Variants in GRB10 observed in about 807,000 individuals in gnomAD.
GRB10 encodes growth factor receptor bound protein 10, also known as growth factor receptor-bound protein 10.
In GRB10, 20 loss-of-function variants were observed where a neutral mutation model predicts 80.9. That is an observed-to-expected ratio of 0.25 (90% CI 0.17 to 0.36). The LOEUF (loss-of-function observed/expected upper bound fraction) is 0.36, where lower values mean the gene tolerates loss of function less well. Among genes scored for constraint, GRB10 ranks in the 10% least tolerant of loss-of-function variants. GRB10 has a pLI of 1.00. For synonymous variants in GRB10, 291 were observed against 291.5 expected (o/e 1.00, Z 0.02); for missense variants, 548 against 747.7 (o/e 0.73, Z 3.12).
chr7:50,758,626 G>A (rs185011512), intron 2 of GRB10, among the ~76,000 whole-genome samples: 12 of 152,216 alleles, frequency 7.9e-5, no homozygotes, highest in African/African-American at 2.9e-4. Context: ...CAGCCTGTTC[G>A]GCCAGAGAGC....
intron 2 of GRB10, among the ~76,000 whole-genome samples, chr7:50,777,133 C>G (rs1346424982): frequency 1.3e-5 from 2 of 152,038 alleles, no homozygotes; most frequent in African/African-American, 2.4e-5. Flanking sequence ...AGAGGAAGTC[C>G]AAGATCAAGG....
chr7:50,635,962 C>CTTT lies in GRB10; in HGVS notation c.505-8987_505-8985dup, dbSNP rs56411780. On this transcript the variant is annotated intron_variant, in intron 7 of 18. Transcript: ENST00000401949. ...ACAGCTTTTTTTTTTTTTTCCTTTC[C>CTTT]TTTTTTTTTTTTTTTTTTTTTTTTT... Among the ~76,000 whole-genome samples the CTTT allele has an allele frequency of 9.7e-3, 691 of 71,000 alleles. 76 individuals carry two copies. The highest frequency in any genetic ancestry group is 0.044 in the African/African-American group (656 of 15,048). 46.6% of individuals were successfully genotyped at this position (71,000 alleles called of 152,430 possible).
At chr7:50,739,977 C>T (rs1411555293) in intron 3 of GRB10, among the ~76,000 whole-genome samples, 6 of 152,212 alleles carry the variant, frequency 3.9e-5, no homozygotes, top group African/African-American at 1.4e-4. Context: ...AGCTCATCTG[C>T]TTAAAGGAAC....
At chr7:50,706,352 A>C (rs1178306536) in intron 4 of GRB10, among the ~76,000 whole-genome samples, 2 of 152,262 alleles carry the variant, frequency 1.3e-5, no homozygotes, top group Non-Finnish European at 2.9e-5. Context: ...TAATGATCAA[A>C]TAAACACCTT....
intron 4 of GRB10, among the ~76,000 whole-genome samples, chr7:50,713,930 T>G (rs932131146): frequency 4.0e-5 from 6 of 151,124 alleles, no homozygotes; most frequent in African/African-American, 1.5e-4. Context: ...ACCCATTCCA[T>G]CACCTCTGCT....
At chr7:50,786,676 T>C (rs1288884278), upstream of GRB10, among the ~76,000 whole-genome samples, 1 of 152,228 alleles carries the variant, frequency 6.6e-6, no homozygotes. Context: ...AGATGGACAT[T>C]TTCCCAGACA....
rs2053008837 is a variant in GRB10 at position 50,626,895 on chromosome 7, C to A, written c.588G>T (p.Leu196Phe). The change falls in exon 8 of 19, where the codon TTG becomes TTT. Residue 196 changes from leucine to phenylalanine, a missense_variant. Leu to Phe is a conservative substitution (Grantham distance 22). Transcript: ENST00000401949. ...ADMTARDLCQ[L>F]LVYKSHCVDD... is the part of the protein sequence containing the mutation. ...CCACACAGTGACTTTTGTAAACCAG[C>A]AATTGGCACAGGTCTCTGGCTGTCA... 1 of 1,614,158 alleles carries A rather than the reference C, an allele frequency of 6.2e-7. No individual in the cohort carries two copies. The highest frequency in any genetic ancestry group is 1.3e-5 in the African/African-American group (1 of 75,034).
chr7:50,670,228 G>A (rs1305618852), intron 6 of GRB10, among the ~76,000 whole-genome samples: 1 of 151,306 alleles, frequency 6.6e-6, no homozygotes, highest in East Asian at 1.9e-4. Flanking sequence ...GGTAGGTAGT[G>A]TATTCAAACC....
At chr7:50,673,454 C>A (rs958458705) in intron 6 of GRB10, among the ~76,000 whole-genome samples, 3 of 152,148 alleles carry the variant, frequency 2.0e-5, no homozygotes, top group African/African-American at 7.2e-5. Context: ...ACACCCTCCT[C>A]CCAGGCACTC....
intron 3 of GRB10, among the ~76,000 whole-genome samples, chr7:50,754,985 G>A (rs749902358): frequency 2.6e-5 from 4 of 152,214 alleles, no homozygotes; most frequent in Non-Finnish European, 4.4e-5. Flanking sequence ...AGGACACCGC[G>A]AGAAAACAGC....
At chr7:50,703,444 T>C (rs535243190) in intron 5 of GRB10, among the ~76,000 whole-genome samples, 2 of 152,228 alleles carry the variant, frequency 1.3e-5, no homozygotes, top group South Asian at 4.1e-4. Flanking sequence ...CACAGAAAGG[T>C]AGAGAAAGAC....
chr7:50,665,452 C>T (rs1260477611), intron 7 of GRB10, among the ~76,000 whole-genome samples: 2 of 152,246 alleles, frequency 1.3e-5, no homozygotes, highest in Admixed American at 1.3e-4. Context: ...CCAGTGAGGG[C>T]CCATGAGCCA....
chr7:50,602,739 T>C (rs2047823603), intron 17 of GRB10, among the ~76,000 whole-genome samples: 3 of 152,204 alleles, frequency 2.0e-5, no homozygotes, highest in South Asian at 4.1e-4. Context: ...AATCTGAACA[T>C]GGATTAGCTT....
intron 1 of GRB10, among the ~76,000 whole-genome samples, chr7:50,788,406 C>T (rs1201885930): frequency 2.0e-5 from 3 of 152,080 alleles, no homozygotes; most frequent in African/African-American, 7.2e-5. Context: ...TTCAGCTATC[C>T]CTCATGGTCC....
chr7:50,652,600 T>G (rs147206892), intron 7 of GRB10, among the ~76,000 whole-genome samples: 1 of 152,238 alleles, frequency 6.6e-6, no homozygotes, highest in African/African-American at 2.4e-5. Context: ...GCACCAGGTA[T>G]GTGTCCAGAG....
At chr7:50,634,225 G>T (rs1157066729) in intron 7 of GRB10, among the ~76,000 whole-genome samples, 1 of 152,176 alleles carries the variant, frequency 6.6e-6, no homozygotes, top group African/African-American at 2.4e-5. Context: ...AAGAGACTGG[G>T]GGTCTATTTT....
At chr7:50,630,500 A>T (rs1295115909) in intron 7 of GRB10, among the ~76,000 whole-genome samples, 1 of 152,192 alleles carries the variant, frequency 6.6e-6, no homozygotes, top group East Asian at 1.9e-4. Flanking sequence ...TCTGGGAACA[A>T]GGCAGGCTCC....
rs1563515972 is a variant in GRB10 at position 50,703,851 on chromosome 7, C to CG, written c.108dup (p.Ala37ArgfsTer4). On this transcript the variant is annotated frameshift_variant, in exon 5 of 19. Transcript: ENST00000401949. LOFTEE classifies it high-confidence loss of function. ...TGATTCGCAAGTCGGTCAGACTGTGCGGGGAGTCCTGGTCCTGCCGGGTCT... is the reference window on the plus strand; with the variant it reads ...TGATTCGCAAGTCGGTCAGACTGTGCGGGGGAGTCCTGGTCCTGCCGGGTCT... 1.9e-6 allele frequency: 3 copies of CG among 1,612,834 alleles called. No individual in the cohort carries two copies. The highest frequency in any genetic ancestry group is 2.7e-5 in the African/African-American group (2 of 74,862).
At chr7:50,762,209 C>T (rs1432784159) in intron 2 of GRB10, among the ~76,000 whole-genome samples, 2 of 151,588 alleles carry the variant, frequency 1.3e-5, no homozygotes, top group Non-Finnish European at 2.9e-5. Flanking sequence ...ACTACAAACC[C>T]TCCCCAGCCC....
Sources: gnomAD v4.1 joint callset for allele counts (sites outside exome capture counted in the v4.1 genomes callset) on GRCh38, gnomAD v4.1.1 for gene constraint, MANE v1.5 for transcripts, NCBI Gene and HGNC (gene_info 2026-07-23, HGNC 2026-07-21) for gene names.